SGK3: variants seen among roughly 807,000 people sequenced by gnomAD.
The protein encoded by SGK3 is serine/threonine-protein kinase Sgk3.
Under a neutral mutation model 68.5 loss-of-function variants are expected in SGK3, and 47 were observed. That is an observed-to-expected ratio of 0.69 (90% CI 0.54 to 0.87). The LOEUF is 0.87. Ranked by LOEUF, SGK3 falls within the 40% of genes least tolerant of loss-of-function variation. The pLI is 0.00. For synonymous variants in SGK3, 181 were observed against 189.1 expected (o/e 0.96, Z 0.35); for missense variants, 479 against 575.5 (o/e 0.83, Z 1.72).
chr8:66,840,329 T>C (rs1442477854), intron 12 of SGK3, 82 bp downstream of exon 12: 1 of 1,277,172 alleles, frequency 7.8e-7, no homozygotes, highest in Non-Finnish European at 1.1e-6. Flanking sequence ...GTCTCAGAGA[T>C]TCTGTACTGC....
intron 1 of SGK3, among the ~76,000 whole-genome samples, chr8:66,756,014 C>T (rs1334210001): frequency 6.6e-6 from 1 of 152,118 alleles, no homozygotes; most frequent in Non-Finnish European, 1.5e-5. Flanking sequence ...GTATCTCAGA[C>T]TGTGACTGTA....
chr8:66,744,805 C>CTT (rs111235370), intron 1 of SGK3, among the ~76,000 whole-genome samples: 4 of 142,780 alleles, frequency 2.8e-5, no homozygotes, highest in African/African-American at 7.6e-5. Flanking sequence ...CATGCCTAGC[C>CTT]TTTTTTTTTT....
rs757120302 is a variant in SGK3 at position 66,836,063 on chromosome 8, A to G, written c.730A>G (p.Asn244Asp). 2 of 1,612,264 alleles carry G rather than the reference A, an allele frequency of 1.2e-6. No homozygotes were observed. The highest frequency in any genetic ancestry group is 1.7e-6 in the Non-Finnish European group (2 of 1,179,224). Reference protein sequence around the residue: ...EKLYFVLDFVNGGELFFHLQR... With the variant: ...EKLYFVLDFVDGGELFFHLQR... ...GCTTTATTTTGTTCTGGATTTTGTTAATGGAGGGGAGGTGAGTTTTATAAT... is the reference window on the plus strand; with the variant it reads ...GCTTTATTTTGTTCTGGATTTTGTTGATGGAGGGGAGGTGAGTTTTATAAT... Residue 244 changes from asparagine (N) to aspartate (D), a missense_variant, in exon 10 of 17, where the codon AAT becomes GAT. By Grantham distance (23) the Asn-to-Asp change is conservative. Coordinates refer to ENST00000521198, the MANE Select transcript of SGK3 (RefSeq NM_001033578.3).
rs1421225370 is a variant in SGK3 at position 66,846,236 on chromosome 8, A to G, written c.1075-957A>G. On this transcript the variant is annotated intron_variant, in intron 14 of 16. Coordinates refer to ENST00000521198, the MANE Select transcript of SGK3 (RefSeq NM_001033578.3). ...TACATATTACAACCTTGCAGATAGA[A>G]CCTGAGTAGCATGATAATCTTCTTT... Among the ~76,000 whole-genome samples, 3 of 152,324 alleles carry G rather than the reference A, an allele frequency of 2.0e-5. No individual in the cohort carries two copies. The East Asian group carries it at 5.8e-4, about 29-fold the overall frequency.
chr8:66,751,678 T>G (rs1805821615), intron 1 of SGK3, among the ~76,000 whole-genome samples: 1 of 152,154 alleles, frequency 6.6e-6, no homozygotes, highest in Non-Finnish European at 1.5e-5. Context: ...AATACTATCT[T>G]GCTTCACTAT....
chr8:66,762,407 C>T (rs1027537427), intron 1 of SGK3, among the ~76,000 whole-genome samples: 1 of 152,016 alleles, frequency 6.6e-6, no homozygotes, highest in African/African-American at 2.4e-5. Flanking sequence ...ATCCCAGGTA[C>T]TCGGGAGGCT....
At chr8:66,796,321 ATTTTTTTTTTTTTTTTT>A (rs71249408) in intron 2 of SGK3, among the ~76,000 whole-genome samples, 20 of 41,360 alleles carry the variant, frequency 4.8e-4, no homozygotes, top group Non-Finnish European at 7.9e-4. Context: ...TATTTTTTGT[ATTTTTTTTTTTTTTTTT>A]TTTTTTTTTT....
chr8:66,797,957 A>G (rs377267285), intron 2 of SGK3, among the ~76,000 whole-genome samples: 2 of 152,216 alleles, frequency 1.3e-5, no homozygotes, highest in East Asian at 3.8e-4. Context: ...TTTGAAAAAT[A>G]AAATATCACC....
rs1260637564 is a variant in SGK3 at position 66,793,767 on chromosome 8, G to A, written c.31G>A (p.Glu11Lys). The A allele has an allele frequency of 6.2e-7, 1 of 1,613,406 alleles. No individual in the cohort carries two copies. The highest frequency in any genetic ancestry group is 8.5e-7 in the Non-Finnish European group (1 of 1,179,590). Residue 11 changes from glutamate to lysine, a missense_variant, in exon 2 of 17, where the codon GAA becomes AAA. By Grantham distance (56) the Glu-to-Lys change is moderately conservative. This residue lies in a region of SGK3 where 298 missense variants were observed against 329.4 expected (regional missense o/e 0.90). Transcript: ENST00000521198. ...AAGAGATCACACCATGGACTACAAG[G>A]AAAGCTGCCCAAGTGTAAGCATTCC... MQRDHTMDYK[E>K]SCPSVSIPSS... is the part of the protein sequence containing the mutation.
At chr8:66,806,516 A>G (rs1808170408) in intron 4 of SGK3, among the ~76,000 whole-genome samples, 1 of 152,124 alleles carries the variant, frequency 6.6e-6, no homozygotes, top group African/African-American at 2.4e-5. Context: ...TTTTTTCCCA[A>G]TTGAAATCTT....
Position 66,840,062 on chromosome 8 carries a change from T to C in SGK3, c.801T>C (p.Ala267=). ...SFPEHRARFY[A]AEIASALGYL... ...CTGAGCACAGAGCTAGGTTTTACGC[T>C]GCTGAAATTGCTAGTGCATTGGGTT... Residue 267 remains alanine, a synonymous_variant, in exon 11 of 17, where the codon GCT becomes GCC. Coordinates refer to ENST00000521198, the MANE Select transcript of SGK3 (RefSeq NM_001033578.3). 1 of 1,614,100 alleles carries C rather than the reference T, an allele frequency of 6.2e-7. No individual in the cohort carries two copies. The highest frequency in any genetic ancestry group is 8.5e-7 in the Non-Finnish European group (1 of 1,180,000).
chr8:66,744,520 T>TATATATATATA (rs1491369518), intron 1 of SGK3, among the ~76,000 whole-genome samples: 4 of 16,578 alleles, frequency 2.4e-4, no homozygotes, highest in Non-Finnish European at 4.6e-4. Context: ...TATATATATA[T>TATATATATATA]TTTTTTTTTT....
chr8:66,813,976 A>G, intron 5 of SGK3, 48 bp downstream of exon 5: 1 of 1,445,152 alleles, frequency 6.9e-7, no homozygotes, highest in Non-Finnish European at 9.3e-7. Flanking sequence ...ACTAAACCTA[A>G]GAATACTGAA....
chr8:66,767,671 G>A, intron 1 of SGK3: 1 of 1,400,960 alleles, frequency 7.1e-7, no homozygotes, highest in African/African-American at 1.4e-5. Context: ...TTCTATTTCT[G>A]GATAGCCATC....
At chr8:66,756,681 G>C (rs937989935) in intron 1 of SGK3, among the ~76,000 whole-genome samples, 1 of 143,656 alleles carries the variant, frequency 7.0e-6, no homozygotes, top group African/African-American at 2.6e-5. Context: ...CTGGGCTCAA[G>C]TGATTCTCCT....
chr8:66,739,365 A>T (rs983280957), intron 1 of SGK3, among the ~76,000 whole-genome samples: 3 of 151,502 alleles, frequency 2.0e-5, no homozygotes, highest in African/African-American at 7.3e-5. Flanking sequence ...GCAAGAACTC[A>T]CTCAATACCA....
intron 3 of SGK3, among the ~76,000 whole-genome samples, chr8:66,801,195 C>T (rs926530826): frequency 6.6e-6 from 1 of 152,136 alleles, no homozygotes; most frequent in Non-Finnish European, 1.5e-5. Context: ...AGTTAACCAT[C>T]CCAAATCTGA....
chr8:66,809,097 A>G (rs984924443), intron 4 of SGK3, among the ~76,000 whole-genome samples: 1 of 151,888 alleles, frequency 6.6e-6, no homozygotes, highest in Non-Finnish European at 1.5e-5. Flanking sequence ...TTGAACTCCA[A>G]CCTCAGGTGA....
intron 1 of SGK3, among the ~76,000 whole-genome samples, chr8:66,743,932 C>G (rs1023561507): frequency 6.6e-6 from 1 of 152,218 alleles, no homozygotes. Flanking sequence ...CTGCTGGAAC[C>G]TTCCTCCAGG....
Sources: allele counts gnomAD v4.1 joint callset (sites outside exome capture counted in the v4.1 genomes callset), GRCh38; gene constraint gnomAD v4.1.1; regional missense constraint gnomAD v4.1.1; transcripts MANE v1.5; gene names NCBI Gene and HGNC (gene_info 2026-07-23, HGNC 2026-07-21).